PXT1: variants seen among roughly 807,000 people sequenced by gnomAD.
PXT1 encodes the protein peroxisomal testis enriched protein 1.
PXT1 carries 11 observed loss-of-function variants against 11.0 expected under a neutral mutation model. The ratio of observed to expected loss-of-function variants is 1.00; its 90% CI spans 0.63 to 1.66. The LOEUF is 1.66. Ranked by LOEUF, PXT1 falls within the 40% of genes most tolerant of loss-of-function variation. PXT1 has a pLI of 0.00. For missense variants in PXT1, 141 were observed against 155.5 expected (o/e 0.91, Z 0.49); for synonymous variants, 43 against 51.4 (o/e 0.84, Z 0.70).
intron 3 of PXT1, among the ~76,000 whole-genome samples, chr6:36,408,323 C>T (rs1287900626): frequency 6.7e-6 from 1 of 149,168 alleles, no homozygotes; most frequent in East Asian, 2.0e-4. Flanking sequence ...CTCTCTGTTG[C>T]AGTGGCACAA....
chr6:36,440,027 G>C (rs986534189), intron 1 of PXT1, among the ~76,000 whole-genome samples: 1 of 152,192 alleles, frequency 6.6e-6, no homozygotes, highest in South Asian at 2.1e-4. Context: ...GAGCCCAGGA[G>C]GTTGAGGTTG....
intron 3 of PXT1, among the ~76,000 whole-genome samples, chr6:36,413,625 T>G (rs1001003815): frequency 9.9e-5 from 15 of 152,096 alleles, no homozygotes; most frequent in Admixed American, 9.8e-4. Context: ...GTGGGAGAAA[T>G]TTTTTAATGC....
intron 3 of PXT1, among the ~76,000 whole-genome samples, chr6:36,424,653 A>G (rs1460761284): frequency 6.6e-6 from 1 of 152,014 alleles, no homozygotes; most frequent in African/African-American, 2.4e-5. Flanking sequence ...AAACAAAAAC[A>G]AATACAAAAA....
intron 3 of PXT1, among the ~76,000 whole-genome samples, chr6:36,407,952 T>C (rs1038136432): frequency 1.5e-4 from 19 of 130,136 alleles, no homozygotes; most frequent in African/African-American, 4.7e-4. Context: ...TTTTTCTTTT[T>C]CTTTCTTTTT....
chr6:36,423,386 T>C (rs996470447), intron 3 of PXT1, among the ~76,000 whole-genome samples: 1 of 152,236 alleles, frequency 6.6e-6, no homozygotes, highest in Non-Finnish European at 1.5e-5. Context: ...GCTCCCGCCC[T>C]AGGCTTTCTG....
chr6:36,429,508 C>CTTTTTTT (rs112777415), intron 2 of PXT1, among the ~76,000 whole-genome samples: 2 of 108,214 alleles, frequency 1.8e-5, no homozygotes, highest in African/African-American at 3.8e-5. Context: ...TTTTTCTTTT[C>CTTTTTTT]TTTTTTTTTT....
At chr6:36,405,084 T>C (rs1183122111) in intron 3 of PXT1, among the ~76,000 whole-genome samples, 8 of 152,162 alleles carry the variant, frequency 5.3e-5, no homozygotes, top group Non-Finnish European at 2.9e-5. Context: ...GACCTTCCCA[T>C]GGGACAAGAT....
intron 2 of PXT1, among the ~76,000 whole-genome samples, chr6:36,434,169 A>G (rs1774731913): frequency 6.6e-6 from 1 of 152,042 alleles, no homozygotes; most frequent in Non-Finnish European, 1.5e-5. Context: ...CTGTCTCTAA[A>G]AAAAAAGAAA....
chr6:36,403,947 G>C (rs1368071394), intron 3 of PXT1, among the ~76,000 whole-genome samples: 1 of 152,144 alleles, frequency 6.6e-6, no homozygotes, highest in Non-Finnish European at 1.5e-5. Context: ...AGGGGATGTA[G>C]AACTTAAGAT....
At chr6:36,408,916 A>G (rs1198923561) in intron 3 of PXT1, among the ~76,000 whole-genome samples, 1 of 152,026 alleles carries the variant, frequency 6.6e-6, no homozygotes, top group Non-Finnish European at 1.5e-5. Context: ...ATCAGCCTCA[A>G]TGTGTCGGAA....
At chr6:36,408,109 C>A (rs1483293606) in intron 3 of PXT1, among the ~76,000 whole-genome samples, 1 of 151,426 alleles carries the variant, frequency 6.6e-6, no homozygotes, top group African/African-American at 2.4e-5. Context: ...TTACAGGAGC[C>A]TGCCACCACA....
At chr6:36,431,934 G>C (rs1218249073) in intron 2 of PXT1, among the ~76,000 whole-genome samples, 1 of 152,070 alleles carries the variant, frequency 6.6e-6, no homozygotes, top group Non-Finnish European at 1.5e-5. Flanking sequence ...AGCCGGGCAT[G>C]GTGGTGGGCA....
chr6:36,414,879 G>T (rs940483082), intron 3 of PXT1, among the ~76,000 whole-genome samples: 1 of 152,142 alleles, frequency 6.6e-6, no homozygotes, highest in Non-Finnish European at 1.5e-5. Flanking sequence ...GGGGAAAGTG[G>T]TTTCTTTTAT....
chr6:36,422,256 T>C (rs755681345), intron 3 of PXT1, among the ~76,000 whole-genome samples: 26 of 152,126 alleles, frequency 1.7e-4, no homozygotes, highest in Non-Finnish European at 3.5e-4. Context: ...AGGGGCAAGA[T>C]TAATGTATGT....
chr6:36,419,637 C>T (rs1221234705), intron 3 of PXT1, among the ~76,000 whole-genome samples: 1 of 152,154 alleles, frequency 6.6e-6, no homozygotes, highest in African/African-American at 2.4e-5. Context: ...TAGCTCAGTG[C>T]CCTATACATA....
chr6:36,391,905 G>GT (rs199535119), intron 4 of PXT1, 31 bp from the exon 5 acceptor site: 7,659 of 1,053,560 alleles, frequency 7.3e-3, no homozygotes, highest in South Asian at 0.017. Context: ...ACAGAGAAAG[G>GT]TTTTTTTTTT....
intron 3 of PXT1, among the ~76,000 whole-genome samples, chr6:36,414,557 A>G (rs1186370156): frequency 6.6e-6 from 1 of 152,216 alleles, no homozygotes; most frequent in African/African-American, 2.4e-5. Context: ...TATCTGTATA[A>G]CTAGGCATAA....
chr6:36,434,760 T>C (rs1017343187), intron 2 of PXT1, among the ~76,000 whole-genome samples: 1 of 152,252 alleles, frequency 6.6e-6, no homozygotes, highest in Non-Finnish European at 1.5e-5. Flanking sequence ...AATTCAGGTA[T>C]ATAAAGAAGA....
chr6:36,425,119 A>C (rs1774584119), intron 3 of PXT1, among the ~76,000 whole-genome samples: 1 of 152,228 alleles, frequency 6.6e-6, no homozygotes, highest in Admixed American at 6.5e-5. Context: ...ATGCTCTTCA[A>C]AACATAAAAC....
Sources: allele counts gnomAD v4.1 joint callset (sites outside exome capture counted in the v4.1 genomes callset), GRCh38; gene constraint gnomAD v4.1.1; transcripts MANE v1.5; gene names NCBI Gene and HGNC (gene_info 2026-07-23, HGNC 2026-07-21).